Variants in PTPRK observed in about 807,000 individuals in gnomAD.
The protein encoded by PTPRK is receptor-type tyrosine-protein phosphatase kappa.
PTPRK carries 75 observed loss-of-function variants against 178.0 expected under a neutral mutation model. The observed-to-expected ratio is 0.42, with a 90% CI of 0.35 to 0.51. The LOEUF is 0.51. Ranked by LOEUF, PTPRK falls within the 20% of genes least tolerant of loss-of-function variation. PTPRK has a pLI of 0.02. For missense variants in PTPRK, 1,441 were observed against 1,797.8 expected (o/e 0.80, Z 3.59); for synonymous variants, 637 against 620.6 (o/e 1.03, Z -0.39).
chr6:128,242,378 C>T, intron 4 of PTPRK, 143 bp downstream of exon 4: 1 of 1,084,540 alleles, frequency 9.2e-7, no homozygotes, highest in Non-Finnish European at 1.2e-6. Context: ...ATATCAGTTT[C>T]CTTTTAAAAC....
intron 7 of PTPRK, among the ~76,000 whole-genome samples, chr6:128,142,014 T>G (rs544432393): frequency 6.6e-6 from 1 of 152,068 alleles, no homozygotes; most frequent in African/African-American, 2.4e-5. Flanking sequence ...AGCTCTCCTC[T>G]CTTACTCCTT....
intron 1 of PTPRK, among the ~76,000 whole-genome samples, chr6:128,454,706 G>A (rs2128408503): frequency 6.6e-6 from 1 of 152,126 alleles, no homozygotes; most frequent in Admixed American, 6.6e-5. Context: ...AGGCATCTCA[G>A]CACTGTTCTT....
At chr6:128,404,840 AC>A (rs1841467476) in intron 1 of PTPRK, among the ~76,000 whole-genome samples, 1 of 152,218 alleles carries the variant, frequency 6.6e-6, no homozygotes, top group African/African-American at 2.4e-5. Flanking sequence ...GCAAGAAAGT[AC>A]CAGAGCCAGG....
intron 7 of PTPRK, among the ~76,000 whole-genome samples, chr6:128,134,958 G>A (rs1794794040): frequency 6.6e-6 from 1 of 152,046 alleles, no homozygotes; most frequent in African/African-American, 2.4e-5. Flanking sequence ...TCTGACTCTA[G>A]ACTGCCTTCA....
intron 1 of PTPRK, among the ~76,000 whole-genome samples, chr6:128,489,788 T>C: frequency 6.6e-6 from 1 of 152,210 alleles, no homozygotes; most frequent in Non-Finnish European, 1.5e-5. Context: ...AGGAAATGTT[T>C]AATGAGCTCA....
At chr6:128,150,688 A>G (rs572447699) in intron 7 of PTPRK, among the ~76,000 whole-genome samples, 55 of 152,086 alleles carry the variant, frequency 3.6e-4, no homozygotes, top group African/African-American at 1.2e-3. Flanking sequence ...TGGATATCGC[A>G]TTTTCCTTGA....
intron 29 of PTPRK, 36 bp downstream of exon 29, chr6:127,972,986 T>C (rs750892854): frequency 1.0e-5 from 16 of 1,603,902 alleles, no homozygotes; most frequent in Non-Finnish European, 1.3e-5. Flanking sequence ...AACTAATCTC[T>C]AAGATGCCTT....
intron 7 of PTPRK, among the ~76,000 whole-genome samples, chr6:128,131,290 A>G (rs1289820368): frequency 6.6e-6 from 1 of 152,176 alleles, no homozygotes; most frequent in Non-Finnish European, 1.5e-5. Flanking sequence ...TGTTGCTTGA[A>G]AAACTACTTC....
chr6:128,141,452 T>C (rs1285695676), intron 7 of PTPRK, among the ~76,000 whole-genome samples: 3 of 151,872 alleles, frequency 2.0e-5, no homozygotes, highest in Non-Finnish European at 4.4e-5. Flanking sequence ...AAGACATAAA[T>C]ATGTGAGGAG....
intron 7 of PTPRK, among the ~76,000 whole-genome samples, chr6:128,156,183 A>G (rs1052792942): frequency 6.6e-6 from 1 of 151,938 alleles, no homozygotes; most frequent in East Asian, 1.9e-4. Context: ...ATATAAGCTA[A>G]TATTTTATAA....
rs1356856168 is a variant in PTPRK at position 128,520,417 on chromosome 6, G to A, written c.-59C>T. 1.1e-5 allele frequency: 16 copies of A among 1,507,760 alleles called. No individual in the cohort carries two copies. Among genetic ancestry groups the A allele is most frequent in the South Asian group, 2.4e-5 (2 of 83,332 alleles). The allele number at this position is 1,507,760 out of a possible 1,614,324, so 93.4% of individuals were successfully genotyped here. On this transcript the variant is annotated 5_prime_UTR_variant, in exon 1 of 30. Transcript: ENST00000368226. Reference sequence around the variant, plus strand: ...AAAGAGCTGCCGGGGGGATCGCCGCGAAATCCACGACGGAGGAGCGGGCCG... The same window carrying A: ...AAAGAGCTGCCGGGGGGATCGCCGCAAAATCCACGACGGAGGAGCGGGCCG...
chr6:128,436,649 T>G (rs1269770124), intron 1 of PTPRK, among the ~76,000 whole-genome samples: 1 of 152,184 alleles, frequency 6.6e-6, no homozygotes, highest in Non-Finnish European at 1.5e-5. Context: ...CATTTTTTAT[T>G]TTAGCCTCCC....
At chr6:128,273,406 G>A (rs1230840011) in intron 3 of PTPRK, among the ~76,000 whole-genome samples, 5 of 152,016 alleles carry the variant, frequency 3.3e-5, no homozygotes, top group Non-Finnish European at 7.4e-5. Context: ...ACTATCAACT[G>A]TTTACAGAAA....
chr6:128,191,736 C>T (rs2114722867), intron 6 of PTPRK, among the ~76,000 whole-genome samples: 1 of 151,992 alleles, frequency 6.6e-6, no homozygotes, highest in East Asian at 1.9e-4. Flanking sequence ...AAAAAAAAAT[C>T]TCTAGTCCAA....
chr6:128,122,292 G>A (rs1792604259), intron 7 of PTPRK, among the ~76,000 whole-genome samples: 1 of 152,142 alleles, frequency 6.6e-6, no homozygotes, highest in South Asian at 2.1e-4. Flanking sequence ...CTACTGAGGA[G>A]GAAGCCTGAA....
At chr6:128,041,067 A>C (rs1427561634) in intron 13 of PTPRK, among the ~76,000 whole-genome samples, 3 of 152,160 alleles carry the variant, frequency 2.0e-5, no homozygotes. Flanking sequence ...CCATTTTTAC[A>C]AAATTTAAGA....
At chr6:128,471,051 A>AT (rs1474069533) in intron 1 of PTPRK, among the ~76,000 whole-genome samples, 3 of 152,036 alleles carry the variant, frequency 2.0e-5, no homozygotes, top group Admixed American at 6.6e-5. Flanking sequence ...ATATATGATA[A>AT]TGCCTTCAAT....
At chr6:128,440,465 T>A (rs1309002295) in intron 1 of PTPRK, among the ~76,000 whole-genome samples, 7 of 152,224 alleles carry the variant, frequency 4.6e-5, no homozygotes, top group Admixed American at 4.6e-4. Flanking sequence ...TTAAATCTAA[T>A]TTTTAAAATA....
intron 1 of PTPRK, among the ~76,000 whole-genome samples, chr6:128,496,781 T>TA (rs1854733309): frequency 6.6e-6 from 1 of 152,224 alleles, no homozygotes; most frequent in South Asian, 2.1e-4. Context: ...TTACACAAGG[T>TA]ATAATAAACT....
Sources: allele counts gnomAD v4.1 joint callset (sites outside exome capture counted in the v4.1 genomes callset), GRCh38; gene constraint gnomAD v4.1.1; transcripts MANE v1.5; gene names NCBI Gene and HGNC (gene_info 2026-07-23, HGNC 2026-07-21).